RBFOX1: variants seen among roughly 807,000 people sequenced by gnomAD.
RBFOX1 encodes RNA binding protein fox-1 homolog 1.
Under a neutral mutation model 57.7 loss-of-function variants are expected in RBFOX1, and 8 were observed. The ratio of observed to expected loss-of-function variants is 0.14; its 90% CI spans 0.08 to 0.25. The LOEUF is 0.25. RBFOX1 is among the 10% of genes least tolerant of loss of function. The probability of loss-of-function intolerance (pLI) is 1.00; values close to 1 mark genes in which losing one functional copy is unlikely to be tolerated. For missense variants in RBFOX1, 611 were observed against 548.5 expected, an observed-to-expected ratio of 1.11 and a Z score of -1.14; for synonymous variants, 326 against 222.4, an observed-to-expected ratio of 1.47 and a Z score of -4.15.
chr16:6,313,078 C>A (rs563093865), intron 1 of RBFOX1, among the ~76,000 whole-genome samples: 35 of 152,270 alleles, frequency 2.3e-4, no homozygotes, highest in African/African-American at 7.9e-4. Flanking sequence ...GTGCTAAAAG[C>A]ATCCCCAGTC....
At chr16:5,486,178 CT>C (rs1221563591) in intron 2 of RBFOX1, among the ~76,000 whole-genome samples, 11 of 152,268 alleles carry the variant, frequency 7.2e-5, no homozygotes, top group African/African-American at 2.2e-4. Flanking sequence ...GTTGCCTCCC[CT>C]AGGAAGTCCT....
Position 6,234,877 on chromosome 16 carries a change from A to G in RBFOX1, c.-126-82118A>G, listed in dbSNP as rs80271148. Reference sequence around the variant, plus strand: ...AATGTGAACAAGGTCTGTAGATTGCACTAGTATCGGTTTCCTTGTTTGGAT... The same window carrying G: ...AATGTGAACAAGGTCTGTAGATTGCGCTAGTATCGGTTTCCTTGTTTGGAT... On this transcript the variant is annotated intron_variant, in intron 1 of 15. Coordinates refer to ENST00000550418, the MANE Select transcript of RBFOX1 (RefSeq NM_018723.4). Among the ~76,000 whole-genome samples the G allele has an allele frequency of 3.2e-3, 485 of 152,280 alleles. 4 individuals carry two copies. The highest frequency in any genetic ancestry group is 0.025 in the South Asian group (120 of 4,824).
At chr16:6,557,522 A>T (rs2097122567) in intron 2 of RBFOX1, among the ~76,000 whole-genome samples, 1 of 134,462 alleles carries the variant, frequency 7.4e-6, no homozygotes. Flanking sequence ...ATATGGAATT[A>T]CTAAAAGTTG....
chr16:7,391,457 T>G (rs1397202339), intron 4 of RBFOX1, among the ~76,000 whole-genome samples: 1 of 152,226 alleles, frequency 6.6e-6, no homozygotes, highest in Non-Finnish European at 1.5e-5. Flanking sequence ...TCTCCACATC[T>G]GGACTTCTTT....
At chr16:6,923,269 C>G (rs1175208681) in intron 3 of RBFOX1, among the ~76,000 whole-genome samples, 1 of 152,146 alleles carries the variant, frequency 6.6e-6, no homozygotes, top group African/African-American at 2.4e-5. Flanking sequence ...TGTGGTGGCT[C>G]ATGCCTATAA....
At chr16:6,830,880 C>G (rs928087754) in intron 3 of RBFOX1, among the ~76,000 whole-genome samples, 2 of 152,170 alleles carry the variant, frequency 1.3e-5, no homozygotes, top group Non-Finnish European at 2.9e-5. Flanking sequence ...ACTCTCCCAC[C>G]TCCTGGTCAG....
intron 6 of RBFOX1, among the ~76,000 whole-genome samples, chr16:7,581,414 G>A (rs571814062): frequency 2.6e-5 from 4 of 152,260 alleles, no homozygotes; most frequent in African/African-American, 9.6e-5. Flanking sequence ...GCCGTGTCAG[G>A]TTAGGAAGAC....
chr16:7,054,053 C>T (rs1045142856), intron 4 of RBFOX1, among the ~76,000 whole-genome samples: 41 of 151,724 alleles, frequency 2.7e-4, no homozygotes, highest in African/African-American at 9.5e-4. Context: ...GCTATCTCAT[C>T]TGTAGATATT....
chr16:6,618,192 C>T (rs977262573), intron 2 of RBFOX1, among the ~76,000 whole-genome samples: 1 of 152,094 alleles, frequency 6.6e-6, no homozygotes, highest in Non-Finnish European at 1.5e-5. Flanking sequence ...AGTTCACCTC[C>T]CAGCACCCTG....
intron 3 of RBFOX1, among the ~76,000 whole-genome samples, chr16:5,727,207 G>A (rs551523389): frequency 2.6e-5 from 4 of 152,184 alleles, no homozygotes; most frequent in Non-Finnish European, 5.9e-5. Flanking sequence ...GGGAGACAGA[G>A]GTGGCAGTGA....
At chr16:5,888,615 G>T (rs951753031) in intron 4 of RBFOX1, among the ~76,000 whole-genome samples, 8 of 151,968 alleles carry the variant, frequency 5.3e-5, no homozygotes, top group Non-Finnish European at 1.2e-4. Flanking sequence ...GACCAACATG[G>T]GGAAACCTCG....
chr16:7,400,390 C>T (rs2098221040), intron 4 of RBFOX1, among the ~76,000 whole-genome samples: 1 of 152,168 alleles, frequency 6.6e-6, no homozygotes, highest in Non-Finnish European at 1.5e-5. Flanking sequence ...CAGGGGCTAG[C>T]AGACATATTC....
At position 6,604,346 on chromosome 16, in the gene RBFOX1, A is replaced by AT. The variant is rs1416952541; in HGVS notation, c.-63-50254dup. 1.0e-3 allele frequency among the ~76,000 whole-genome samples: 159 copies of AT among 152,072 alleles called. 1 individual carries two copies. In the Middle Eastern group the frequency reaches 0.014, roughly 13 times the overall value. ...ATAACAGCATTTTCTTATTTTTTTA[A>AT]TTTATTTTTTTTAAGAGATAGGGCC... On this transcript the variant is annotated intron_variant, in intron 2 of 15. Coordinates refer to ENST00000550418, the MANE Select transcript of RBFOX1 (RefSeq NM_018723.4).
At chr16:5,942,506 G>A (rs1244117692) in intron 4 of RBFOX1, among the ~76,000 whole-genome samples, 1 of 152,184 alleles carries the variant, frequency 6.6e-6, no homozygotes, top group Non-Finnish European at 1.5e-5. Flanking sequence ...TGCAATTGGG[G>A]AAGTTATTAA....
intron 4 of RBFOX1, among the ~76,000 whole-genome samples, chr16:7,156,820 A>G (rs955549818): frequency 3.3e-5 from 5 of 152,172 alleles, no homozygotes; most frequent in Non-Finnish European, 7.3e-5. Flanking sequence ...TACATGCACA[A>G]TTATAGGATA....
At chr16:5,321,039 T>C (rs576017662) in intron 1 of RBFOX1, among the ~76,000 whole-genome samples, 1 of 152,198 alleles carries the variant, frequency 6.6e-6, no homozygotes, top group Non-Finnish European at 1.5e-5. Flanking sequence ...TGAGTTTCTC[T>C]TGGACTTAGG....
At chr16:5,674,493 T>A (rs143847350) in intron 3 of RBFOX1, among the ~76,000 whole-genome samples, 5 of 152,114 alleles carry the variant, frequency 3.3e-5, no homozygotes, top group African/African-American at 1.2e-4. Context: ...ATGGGACTCT[T>A]CTCTCACATA....
chr16:7,599,932 T>C (rs565299882), intron 9 of RBFOX1, among the ~76,000 whole-genome samples: 3 of 152,132 alleles, frequency 2.0e-5, no homozygotes, highest in Non-Finnish European at 4.4e-5. Flanking sequence ...CCACCACTTC[T>C]GGCCTAGCCT....
intron 9 of RBFOX1, among the ~76,000 whole-genome samples, chr16:7,603,184 T>C (rs978844840): frequency 2.0e-5 from 3 of 152,194 alleles, no homozygotes; most frequent in African/African-American, 7.2e-5. Flanking sequence ...TTATTTAATG[T>C]AGAGTCTATG....
Sources: gnomAD v4.1 joint callset for allele counts (sites outside exome capture counted in the v4.1 genomes callset) on GRCh38, gnomAD v4.1.1 for gene constraint, MANE v1.5 for transcripts, NCBI Gene and HGNC (gene_info 2026-07-23, HGNC 2026-07-21) for gene names.